The following TRPM2 variants were observed in gnomAD, a reference collection of about 807,000 sequenced individuals.
TRPM2 encodes transient receptor potential cation channel subfamily M member 2, also known as estrogen-responsive element-associated gene 1 protein.
In TRPM2, 161 loss-of-function variants were observed where a neutral mutation model predicts 174.0. That is an observed-to-expected ratio of 0.93 (90% confidence interval 0.81 to 1.05). The LOEUF is 1.05. Among genes scored for constraint, TRPM2 ranks in the 50% least tolerant of loss-of-function variants. The pLI is 0.00. For synonymous variants in TRPM2, 954 were observed against 861.3 expected (o/e 1.11, Z -1.88); for missense variants, 2,057 against 2,038.0 (o/e 1.01, Z -0.18).
intron 2 of TRPM2, among the ~76,000 whole-genome samples, chr21:44,356,147 G>T (rs1211297397): frequency 2.2e-5 from 3 of 134,276 alleles, no homozygotes; most frequent in Admixed American, 1.4e-4. Context: ...CTCCCAAAGT[G>T]CTGGGATTAC....
intron 27 of TRPM2, among the ~76,000 whole-genome samples, chr21:44,428,584 C>T (rs964131884): frequency 7.6e-5 from 11 of 145,330 alleles, no homozygotes; most frequent in African/African-American, 2.9e-4. Context: ...AGGTGTGACT[C>T]CTCCCCTTAG....
At position 44,397,734 on chromosome 21, in the gene TRPM2, C is replaced by T. The variant is rs775200964; in HGVS notation, c.1933-13C>T. ...TGGCTCTTTAGTCTCACGGTGGCTC[C>T]TCTGGTCCCCAGAGCCAGGACTGCA... On this transcript the variant is annotated splice_polypyrimidine_tract_variant and intron_variant, in intron 12 of 31. Transcript: ENST00000397928. 2 of 1,562,586 alleles carry T rather than the reference C, an allele frequency of 1.3e-6. No homozygotes were observed. Among genetic ancestry groups the T allele is most frequent in the South Asian group, 1.2e-5 (1 of 82,586 alleles).
At position 44,406,748 on chromosome 21, in the gene TRPM2, T is replaced by C; in HGVS notation, c.2945T>C (p.Ile982Thr). ...YHSYLTIFGQ[I>T]PGYIDGVNFN... ...TCCTACCTCACCATCTTCGGGCAGA[T>C]CCCGGGCTACATCGACGGTAGGAGC... The change falls in exon 19 of 32, where the codon ATC becomes ACC. Residue 982 changes from isoleucine to threonine, a missense_variant. Physicochemically the swap from Ile to Thr is moderately conservative, Grantham distance 89. Transcript: ENST00000397928. 1 of 1,605,682 alleles carries C rather than the reference T, an allele frequency of 6.2e-7. No individual in the cohort carries two copies. The highest frequency in any genetic ancestry group is 8.5e-7 in the Non-Finnish European group (1 of 1,177,984).
At chr21:44,394,317 C>CTTTTTT (rs35448660) in intron 11 of TRPM2, among the ~76,000 whole-genome samples, 10 of 112,672 alleles carry the variant, frequency 8.9e-5, no homozygotes, top group Non-Finnish European at 1.7e-4. Context: ...AAACACATTT[C>CTTTTTT]TTTTTTTTTT....
Position 44,391,324 on chromosome 21 carries a change from A to G in TRPM2, c.1493A>G (p.Glu498Gly). The stretch of plus-strand genomic sequence containing the variant: ...GCTGCACTCATCTCCAACAAGCCTG[A>G]GTTTGTGAAGCTCTTCCTGGAGAAC... Reference protein sequence around the residue: ...MTAALISNKPEFVKLFLENGV... With the variant: ...MTAALISNKPGFVKLFLENGV... The change falls in exon 11 of 32, where the codon GAG becomes GGG. Residue 498 changes from glutamate (E) to glycine (G), a missense_variant. By Grantham distance (98) the Glu-to-Gly change is moderately conservative. Coordinates refer to ENST00000397928, the MANE Select transcript of TRPM2 (RefSeq NM_003307.4). The surrounding 1 kb of genome is among the most constrained non-coding windows in gnomAD (Gnocchi z 5.0). 6.2e-7 allele frequency: 1 copy of G among 1,614,084 alleles called. No homozygotes were observed. The highest frequency in any genetic ancestry group is 8.5e-7 in the Non-Finnish European group (1 of 1,180,018).
Position 44,397,727 on chromosome 21 carries a change from G to A in TRPM2, c.1933-20G>A. ...TTGAGCCTGGCTCTTTAGTCTCACG[G>A]TGGCTCCTCTGGTCCCCAGAGCCAG... On this transcript the variant is annotated intron_variant, in intron 12 of 31. Transcript: ENST00000397928. The A allele has an allele frequency of 6.4e-7, 1 of 1,551,754 alleles. No individual in the cohort carries two copies. The highest frequency in any genetic ancestry group is 8.7e-7 in the Non-Finnish European group (1 of 1,147,370).
rs35448660 is a variant in TRPM2, at chr21:44,394,317, CT to C, written c.1795-1077del. On this transcript the variant is annotated intron_variant, in intron 11 of 31. Transcript: ENST00000397928. ...GTGGTTTAGGAAGAAAAACACATTTCTTTTTTTTTTTTTTTTTTTTGAGATG... is the reference window on the plus strand; with the variant it reads ...GTGGTTTAGGAAGAAAAACACATTTCTTTTTTTTTTTTTTTTTTTGAGATG... 9.3e-3 allele frequency among the ~76,000 whole-genome samples: 1,050 copies of C among 112,652 alleles called. 4 individuals are homozygous for C. The highest frequency in any genetic ancestry group is 0.021 in the Middle Eastern group (4 of 188). 73.9% of individuals were successfully genotyped at this position (112,652 alleles called of 152,430 possible).
chr21:44,366,619 C>T lies in TRPM2; in HGVS notation c.424-135C>T, dbSNP rs990938730. On this transcript the variant is annotated intron_variant, in intron 3 of 31. Transcript: ENST00000397928. The surrounding 1 kb of genome is among the most constrained non-coding windows in gnomAD (Gnocchi z 6.0). ...TCTGTGCCCTGCCCACATGGGGACC[C>T]CTTTTCTGGGTCTGAGCCGGAAAGG... 8.5e-7 allele frequency: 1 copy of T among 1,172,520 alleles called. No individual in the cohort carries two copies. Among genetic ancestry groups the T allele is most frequent in the African/African-American group, 1.5e-5 (1 of 65,380 alleles). 72.6% of individuals were successfully genotyped at this position (1,172,520 alleles called of 1,614,324 possible).
At chr21:44,401,403 TCATGGC>T (rs1204448018) in intron 15 of TRPM2, among the ~76,000 whole-genome samples, 3 of 152,098 alleles carry the variant, frequency 2.0e-5, no homozygotes, top group Non-Finnish European at 2.9e-5. Flanking sequence ...GCCATTAAGG[TCATGGC>T]CATGGGCAGG....
At chr21:44,388,311 A>G (rs971507445) in intron 9 of TRPM2, among the ~76,000 whole-genome samples, 1 of 152,210 alleles carries the variant, frequency 6.6e-6, no homozygotes, top group African/African-American at 2.4e-5. Context: ...TCACAAAAGG[A>G]CAAATACTAT....
At chr21:44,374,053 C>G (rs1205440250) in intron 5 of TRPM2, among the ~76,000 whole-genome samples, 2 of 151,834 alleles carry the variant, frequency 1.3e-5, no homozygotes, top group African/African-American at 4.8e-5. Context: ...CTCTTTTGCC[C>G]AGGCTGGAGT....
chr21:44,438,149 G>T lies in TRPM2; in HGVS notation c.4168-918G>T, dbSNP rs1321442291. 1.3e-5 allele frequency among the ~76,000 whole-genome samples: 2 copies of T among 152,234 alleles called. No homozygotes were observed. The highest frequency in any genetic ancestry group is 2.4e-5 in the African/African-American group (1 of 41,460). Reference sequence around the variant, plus strand: ...GCTGCTGGGTCCCAGTGCTTTGGGGGCCTGTCTCCACAGCTGGAACCACCC... The same window carrying T: ...GCTGCTGGGTCCCAGTGCTTTGGGGTCCTGTCTCCACAGCTGGAACCACCC... On this transcript the variant is annotated intron_variant, in intron 29 of 31. Coordinates refer to ENST00000397928, the MANE Select transcript of TRPM2 (RefSeq NM_003307.4). The surrounding 1 kb of genome is among the most constrained non-coding windows in gnomAD (Gnocchi z 5.9).
chr21:44,406,875 C>G (rs1056949454), intron 19 of TRPM2, 110 bp downstream of exon 19: 1 of 1,358,952 alleles, frequency 7.4e-7, no homozygotes, highest in Non-Finnish European at 1.0e-6. Context: ...GGGGGTCCTG[C>G]GGTTCCCACC....
intron 19 of TRPM2, among the ~76,000 whole-genome samples, chr21:44,412,745 C>T (rs1192511935): frequency 2.0e-5 from 3 of 151,838 alleles, no homozygotes; most frequent in Non-Finnish European, 4.4e-5. Flanking sequence ...TTCCTAACTT[C>T]TTGAGTGTTT....
chr21:44,397,909 G>A, intron 13 of TRPM2, 33 bp downstream of exon 13: 1 of 1,556,906 alleles, frequency 6.4e-7, no homozygotes, highest in Non-Finnish European at 8.7e-7. Flanking sequence ...TGCAGGCCAT[G>A]GCTCAGCCGT....
chr21:44,368,711 C>T (rs994894402), intron 4 of TRPM2, among the ~76,000 whole-genome samples: 2 of 152,142 alleles, frequency 1.3e-5, no homozygotes, highest in African/African-American at 4.8e-5. Flanking sequence ...GGATTACAGG[C>T]GTGAGCCACC....
At chr21:44,410,625 C>T (rs571570181) in intron 19 of TRPM2, among the ~76,000 whole-genome samples, 1 of 77,368 alleles carries the variant, frequency 1.3e-5, no homozygotes, top group African/African-American at 3.9e-5. Context: ...TCTTGGTTGG[C>T]GTAGCCTTGT....
chr21:44,353,876 T>C lies in TRPM2; in HGVS notation c.165+11T>C, dbSNP rs1482656544. ...GGCAACAATGACAAGGTAGGCTTTC[T>C]GCTGGTCAGCCTGCAGTTGGCACGT... On this transcript the variant is annotated intron_variant, in intron 1 of 31. Transcript: ENST00000397928. 1.3e-6 allele frequency: 2 copies of C among 1,597,200 alleles called. No homozygotes were observed. Among genetic ancestry groups the C allele is most frequent in the Admixed American group, 3.5e-5 (2 of 57,060 alleles).
At chr21:44,372,614 A>G (rs1006706684) in intron 5 of TRPM2, among the ~76,000 whole-genome samples, 1 of 152,238 alleles carries the variant, frequency 6.6e-6, no homozygotes, top group African/African-American at 2.4e-5. Flanking sequence ...ATTTCTCTTC[A>G]TATGTGCACC....
Sources: allele counts gnomAD v4.1 joint callset (sites outside exome capture counted in the v4.1 genomes callset), GRCh38; gene constraint gnomAD v4.1.1; non-coding constraint Gnocchi (gnomAD v3.1); transcripts MANE v1.5; gene names NCBI Gene and HGNC (gene_info 2026-07-23, HGNC 2026-07-21).